The following TMCO6 variants were observed in gnomAD, a reference collection of about 807,000 sequenced individuals.
TMCO6 encodes the protein transmembrane and coiled-coil domain-containing protein 6.
A neutral mutation model predicts 61.8 loss-of-function variants in TMCO6; 47 were observed. The ratio of observed to expected loss-of-function variants is 0.76; its 90% CI spans 0.60 to 0.97. The LOEUF is 0.97. Among genes scored for constraint, TMCO6 ranks in the 50% least tolerant of loss-of-function variants. TMCO6 has a pLI of 0.00. For synonymous variants in TMCO6, 261 were observed against 254.2 expected (o/e 1.03, Z -0.25); for missense variants, 557 against 601.6 (o/e 0.93, Z 0.78).
the TMCO6 span, chr5:140,633,346 AT>A: frequency 1.7e-6 from 1 of 578,688 alleles, no homozygotes; most frequent in South Asian, 1.9e-5. Flanking sequence ...AACAGGAAGG[AT>A]TCTGCAGGGC....
the TMCO6 span, among the ~76,000 whole-genome samples, chr5:140,604,324 G>T: frequency 6.6e-6 from 1 of 151,996 alleles, no homozygotes; most frequent in Non-Finnish European, 1.5e-5. Context: ...AGCCCAGGAG[G>T]TAGAGGCTGC....
the TMCO6 span, among the ~76,000 whole-genome samples, chr5:140,615,315 G>T: frequency 1.3e-5 from 2 of 152,228 alleles, no homozygotes; most frequent in Middle Eastern, 3.4e-3. Flanking sequence ...TAAACAGAAA[G>T]TTAATCCATG....
the TMCO6 span, among the ~76,000 whole-genome samples, chr5:140,627,203 C>CT: frequency 7.8e-4 from 115 of 147,702 alleles, no homozygotes; most frequent in East Asian, 1.2e-3. Flanking sequence ...GTCTCAGCAA[C>CT]TTTTTTTTTT....
At chr5:140,631,892 G>C in the TMCO6 span, 1 of 1,588,746 alleles carries the variant, frequency 6.3e-7, no homozygotes, top group Non-Finnish European at 8.6e-7. Context: ...GCAGCACCAG[G>C]GTTCCCGACA....
At chr5:140,619,010 C>T in the TMCO6 span, among the ~76,000 whole-genome samples, 1 of 152,124 alleles carries the variant, frequency 6.6e-6, no homozygotes, top group Non-Finnish European at 1.5e-5. Flanking sequence ...CTATGAAAGA[C>T]ATTGCCAAGA....
chr5:140,642,274 T>C (rs995145495), intron 4 of TMCO6, 41 bp from the exon 5 acceptor site: 1 of 1,552,578 alleles, frequency 6.4e-7, no homozygotes, highest in African/African-American at 1.4e-5. Context: ...CAGCCTGGCA[T>C]GAAACAGGCC....
chr5:140,609,371 G>A, the TMCO6 span: 5 of 256,126 alleles, frequency 2.0e-5, no homozygotes, highest in South Asian at 4.3e-5. Flanking sequence ...CATCCTGGCC[G>A]CCAAGAGGAA....
the TMCO6 span, among the ~76,000 whole-genome samples, chr5:140,634,243 A>G: frequency 6.6e-6 from 1 of 152,168 alleles, no homozygotes; most frequent in African/African-American, 2.4e-5. Context: ...CCCTCCCCTC[A>G]GTACAATCTC....
At chr5:140,610,777 G>A in the TMCO6 span, among the ~76,000 whole-genome samples, 6 of 152,164 alleles carry the variant, frequency 3.9e-5, no homozygotes, top group Admixed American at 6.5e-5. Context: ...GAGGTGGTGA[G>A]AAAATACATC....
chr5:140,607,987 T>G, the TMCO6 span, among the ~76,000 whole-genome samples: 87,006 of 151,654 alleles, frequency 0.57, 25,736 homozygotes, highest in African/African-American at 0.71. Context: ...ACAGGGTTTC[T>G]CTATGTTGGC....
chr5:140,642,176 T>G, intron 4 of TMCO6, 123 bp downstream of exon 4: 1 of 1,429,668 alleles, frequency 7.0e-7, no homozygotes, highest in East Asian at 2.3e-5. Context: ...CAGCCATGGC[T>G]ACACCCATCA....
the TMCO6 span, among the ~76,000 whole-genome samples, chr5:140,622,455 G>C: frequency 1.3e-5 from 2 of 152,180 alleles, no homozygotes; most frequent in Non-Finnish European, 2.9e-5. Flanking sequence ...GGATACACAG[G>C]AGTGGAGGTG....
the TMCO6 span, among the ~76,000 whole-genome samples, chr5:140,596,557 A>C: frequency 2.6e-5 from 4 of 152,164 alleles, no homozygotes; most frequent in Non-Finnish European, 5.9e-5. Flanking sequence ...GTGGCCTTGA[A>C]CTGACCCAGT....
At chr5:140,601,348 A>G in the TMCO6 span, among the ~76,000 whole-genome samples, 1 of 152,184 alleles carries the variant, frequency 6.6e-6, no homozygotes, top group Non-Finnish European at 1.5e-5. Flanking sequence ...CCCATTTGTC[A>G]TCAATCCTTA....
intron 11 of TMCO6, 69 bp downstream of exon 11, chr5:140,644,809 C>T (rs1328253276): frequency 6.3e-7 from 1 of 1,589,264 alleles, no homozygotes; most frequent in East Asian, 2.2e-5. Flanking sequence ...CCTTCCCATC[C>T]AGTCCTAACT....
chr5:140,600,180 T>C, the TMCO6 span, among the ~76,000 whole-genome samples: 1 of 152,152 alleles, frequency 6.6e-6, no homozygotes, highest in Admixed American at 6.5e-5. Context: ...ATCTTTCAGT[T>C]ATAGTGGAAG....
rs1365653151 is a variant in TMCO6, at chr5:140,639,556, G to A, written c.29G>A (p.Arg10Lys). Residue 10 changes from arginine (R) to lysine (K), a missense_variant, in exon 1 of 12, where the codon AGG becomes AAG. Arg to Lys is a conservative substitution (Grantham distance 26). Coordinates refer to ENST00000394671, the MANE Select transcript of TMCO6 (RefSeq NM_018502.5). MWSRRQGRL[R>K]PTVCGVEELR... ...TGGAGCCGACGGCAGGGCCGCCTCA[G>A]GCCCACGGTCTGCGGGGTGGAGGAG... 1 of 1,549,572 alleles carries A rather than the reference G, an allele frequency of 6.5e-7. No homozygotes were observed. The highest frequency in any genetic ancestry group is 8.7e-7 in the Non-Finnish European group (1 of 1,146,396).
chr5:140,598,951 A>G, the TMCO6 span, among the ~76,000 whole-genome samples: 1 of 152,070 alleles, frequency 6.6e-6, no homozygotes, highest in Non-Finnish European at 1.5e-5. Context: ...CAAAAAAACC[A>G]AAAAACCAAA....
chr5:140,614,110 A>G, the TMCO6 span, among the ~76,000 whole-genome samples: 1 of 152,064 alleles, frequency 6.6e-6, no homozygotes, highest in South Asian at 2.1e-4. Context: ...CGTTTTAGCC[A>G]GGATGTTCTG....
Sources: gnomAD v4.1 joint callset for allele counts (sites outside exome capture counted in the v4.1 genomes callset) on GRCh38, gnomAD v4.1.1 for gene constraint, MANE v1.5 for transcripts, NCBI Gene and HGNC (gene_info 2026-07-23, HGNC 2026-07-21) for gene names.